DSCAM: variants seen among roughly 807,000 people sequenced by gnomAD.
The protein encoded by DSCAM is cell adhesion molecule DSCAM.
Under a neutral mutation model 217.7 loss-of-function variants are expected in DSCAM, and 47 were observed. The observed-to-expected ratio is 0.22, with a 90% CI of 0.17 to 0.28. The LOEUF is 0.28. Among genes scored for constraint, DSCAM ranks in the 10% least tolerant of loss-of-function variants. DSCAM has a pLI of 1.00. For synonymous variants in DSCAM, 1,056 were observed against 1,015.3 expected, an observed-to-expected ratio of 1.04 and a Z score of -0.76; for missense variants, 2,080 against 2,618.3, an observed-to-expected ratio of 0.79 and a Z score of 4.49.
intron 32 of DSCAM, among the ~76,000 whole-genome samples, chr21:40,026,122 G>A (rs536315703): frequency 1.4e-5 from 2 of 141,684 alleles, no homozygotes; most frequent in East Asian, 2.0e-4. Flanking sequence ...GTTTCATTTC[G>A]TTATGTACCC....
intron 3 of DSCAM, among the ~76,000 whole-genome samples, chr21:40,664,307 C>T (rs1260392124): frequency 6.6e-6 from 1 of 152,172 alleles, no homozygotes; most frequent in Non-Finnish European, 1.5e-5. Flanking sequence ...ATTTTCTCAT[C>T]ATATTTGTAA....
chr21:40,488,545 T>G (rs1315731595), intron 3 of DSCAM, among the ~76,000 whole-genome samples: 2 of 151,834 alleles, frequency 1.3e-5, no homozygotes, highest in African/African-American at 4.8e-5. Flanking sequence ...GGGCACAGAG[T>G]GACACATGCA....
chr21:40,237,409 C>T (rs2073093831), intron 11 of DSCAM, among the ~76,000 whole-genome samples: 1 of 152,152 alleles, frequency 6.6e-6, no homozygotes, highest in South Asian at 2.1e-4. Flanking sequence ...GTTCCCCTCC[C>T]TGTGTCCATG....
chr21:40,311,022 A>AT lies in DSCAM; in HGVS notation c.2062+1058dup, dbSNP rs553736281. 2.0e-5 allele frequency among the ~76,000 whole-genome samples: 3 copies of AT among 152,194 alleles called. No individual in the cohort carries two copies. The South Asian group carries it at 6.2e-4, about 32-fold the overall frequency. ...GTCACTTCCTTTTGCTGGCAGGTAG[A>AT]TAAAAAGTGCATTTCTTCCCAGCTG... On this transcript the variant is annotated intron_variant, in intron 9 of 32. Coordinates refer to ENST00000400454, the MANE Select transcript of DSCAM (RefSeq NM_001389.5).
intron 16 of DSCAM, among the ~76,000 whole-genome samples, chr21:40,165,761 C>T (rs980099208): frequency 6.6e-6 from 1 of 152,160 alleles, no homozygotes; most frequent in Non-Finnish European, 1.5e-5. Flanking sequence ...GGGCAAAACA[C>T]GAGAGAATGT....
intron 3 of DSCAM, among the ~76,000 whole-genome samples, chr21:40,417,902 C>T (rs1442776025): frequency 6.6e-6 from 1 of 152,130 alleles, no homozygotes; most frequent in African/African-American, 2.4e-5. Context: ...TATCATGATC[C>T]TCATGTATAA....
intron 1 of DSCAM, among the ~76,000 whole-genome samples, chr21:40,743,737 C>G (rs2091147888): frequency 6.6e-6 from 1 of 152,168 alleles, no homozygotes; most frequent in Admixed American, 6.5e-5. Context: ...AGTCCTTGAT[C>G]TGAGGAATTC....
At chr21:40,300,436 T>C (rs920242297) in intron 9 of DSCAM, among the ~76,000 whole-genome samples, 1 of 152,236 alleles carries the variant, frequency 6.6e-6, no homozygotes, top group Admixed American at 6.5e-5. Flanking sequence ...TCTGGTTATG[T>C]GGGAAAGGGG....
chr21:40,735,405 T>C (rs1418921367), intron 1 of DSCAM, among the ~76,000 whole-genome samples: 3 of 152,252 alleles, frequency 2.0e-5, no homozygotes, highest in Non-Finnish European at 4.4e-5. Context: ...CACACTTGCT[T>C]TCATCTGAAA....
intron 10 of DSCAM, among the ~76,000 whole-genome samples, chr21:40,276,988 T>G (rs1426867038): frequency 1.3e-5 from 2 of 151,978 alleles, no homozygotes; most frequent in Admixed American, 1.3e-4. Flanking sequence ...AAAAAAGGAT[T>G]TTAGAAATAA....
chr21:40,560,853 T>C (rs1429603131), intron 3 of DSCAM, among the ~76,000 whole-genome samples: 1 of 152,210 alleles, frequency 6.6e-6, no homozygotes, highest in Non-Finnish European at 1.5e-5. Flanking sequence ...AAAGATCTAG[T>C]TTGAAATCTG....
chr21:40,410,024 C>A (rs1376420112), intron 3 of DSCAM, among the ~76,000 whole-genome samples: 1 of 151,706 alleles, frequency 6.6e-6, no homozygotes, highest in Non-Finnish European at 1.5e-5. Context: ...AAAATAAATC[C>A]ATTTTAACAG....
At chr21:40,103,379 T>C (rs1467994838) in intron 20 of DSCAM, among the ~76,000 whole-genome samples, 1 of 152,174 alleles carries the variant, frequency 6.6e-6, no homozygotes, top group Non-Finnish European at 1.5e-5. Flanking sequence ...CTTTTAATTA[T>C]AGGGTAAGGG....
chr21:40,799,686 G>C (rs1172829547), intron 1 of DSCAM, among the ~76,000 whole-genome samples: 3 of 152,160 alleles, frequency 2.0e-5, no homozygotes, highest in Non-Finnish European at 4.4e-5. Flanking sequence ...TGGCTTATGA[G>C]AGACACATCA....
chr21:40,135,258 C>G (rs986121002), intron 18 of DSCAM, among the ~76,000 whole-genome samples: 12 of 152,204 alleles, frequency 7.9e-5, no homozygotes, highest in African/African-American at 2.9e-4. Flanking sequence ...CAGACCTGCT[C>G]GTCAACTGAC....
intron 3 of DSCAM, among the ~76,000 whole-genome samples, chr21:40,662,326 G>C (rs2090147530): frequency 6.6e-6 from 1 of 151,956 alleles, no homozygotes; most frequent in South Asian, 2.1e-4. Context: ...TATCTTGACA[G>C]ACATGCCAGC....
intron 25 of DSCAM, 73 bp from the exon 26 acceptor site, chr21:40,079,050 C>T (rs1001585482): frequency 2.0e-6 from 3 of 1,526,476 alleles, no homozygotes; most frequent in Non-Finnish European, 2.7e-6. Context: ...ACGCATTTCC[C>T]TCGGACTGCT....
chr21:40,177,328 CA>C (rs1286457242), intron 15 of DSCAM, among the ~76,000 whole-genome samples: 2 of 152,146 alleles, frequency 1.3e-5, no homozygotes, highest in Admixed American at 1.3e-4. Flanking sequence ...AGAAAGGCAT[CA>C]TAATGTCCAT....
chr21:40,431,005 A>G (rs1347685912), intron 3 of DSCAM, among the ~76,000 whole-genome samples: 1 of 152,228 alleles, frequency 6.6e-6, no homozygotes, highest in African/African-American at 2.4e-5. Flanking sequence ...TACAAATGAA[A>G]ACCAGCAATT....
Sources: gnomAD v4.1 joint callset for allele counts (sites outside exome capture counted in the v4.1 genomes callset) on GRCh38, gnomAD v4.1.1 for gene constraint, MANE v1.5 for transcripts, NCBI Gene and HGNC (gene_info 2026-07-23, HGNC 2026-07-21) for gene names.